CMPK1: variants seen among roughly 807,000 people sequenced by gnomAD.
The protein encoded by CMPK1 is cytidine/uridine monophosphate kinase 1.
Under a neutral mutation model 25.7 loss-of-function variants are expected in CMPK1, and 10 were observed. The ratio of observed to expected loss-of-function variants is 0.39; its 90% CI spans 0.24 to 0.66. CMPK1 has a LOEUF of 0.66. CMPK1 is among the 30% of genes least tolerant of loss of function. The probability of loss-of-function intolerance (pLI) is 0.48; values close to 1 mark genes in which losing one functional copy is unlikely to be tolerated. For missense variants in CMPK1, 199 were observed against 280.5 expected, an observed-to-expected ratio of 0.71 and a Z score of 2.08; for synonymous variants, 106 against 101.5, an observed-to-expected ratio of 1.04 and a Z score of -0.27.
rs113748865 is a variant in CMPK1 at position 47,359,077 on chromosome 1, G to T, written c.172-9392G>T. On this transcript the variant is annotated intron_variant, in intron 1 of 5. Coordinates refer to ENST00000371873, the MANE Select transcript of CMPK1 (RefSeq NM_016308.3). ...CTCACACCTGTAATCCGTGCACTTT[G>T]GGAGGCCGAGGTGGGCGGATCACGA... is the stretch of plus-strand genomic sequence containing the variant. Among the ~76,000 whole-genome samples the T allele has an allele frequency of 7.1e-3, 1,088 of 152,226 alleles. 5 individuals are homozygous for T. Among genetic ancestry groups the T allele is most frequent in the Middle Eastern group, 0.01 (3 of 294 alleles).
At chr1:47,345,756 CT>C (rs1002903094) in intron 1 of CMPK1, among the ~76,000 whole-genome samples, 39 of 140,348 alleles carry the variant, frequency 2.8e-4, no homozygotes, top group African/African-American at 5.3e-4. Flanking sequence ...TGCACCTGGC[CT>C]TTTTTTTTTT....
In CMPK1 at chr1:47,355,753, T is replaced by G. The variant is rs372695841; in HGVS notation, c.172-12716T>G. Among the ~76,000 whole-genome samples, 78 of 152,044 alleles carry G rather than the reference T, an allele frequency of 5.1e-4. 3 individuals are homozygous for G. In the South Asian group the frequency reaches 0.016, roughly 31 times the overall value. On this transcript the variant is annotated intron_variant, in intron 1 of 5. Coordinates refer to ENST00000371873, the MANE Select transcript of CMPK1 (RefSeq NM_016308.3). ...CCGCAAGTAGCTGGGACTACAGGCATGTACCACCACACCTGGCTAATTTTT... is the reference window on the plus strand; with the variant it reads ...CCGCAAGTAGCTGGGACTACAGGCAGGTACCACCACACCTGGCTAATTTTT...
intron 1 of CMPK1, among the ~76,000 whole-genome samples, chr1:47,361,045 C>CGT (rs1553189383): frequency 1.3e-5 from 2 of 151,972 alleles, no homozygotes; most frequent in Admixed American, 1.3e-4. Context: ...AATGGGTAAA[C>CGT]ATATGTAACA....
intron 1 of CMPK1, among the ~76,000 whole-genome samples, chr1:47,364,966 G>T (rs1241013004): frequency 4.6e-5 from 7 of 151,964 alleles, no homozygotes; most frequent in Non-Finnish European, 1.0e-4. Context: ...TCACTGTGTT[G>T]CGCATGCTGG....
At chr1:47,362,169 C>CT (rs10639560) in intron 1 of CMPK1, among the ~76,000 whole-genome samples, 85,542 of 121,220 alleles carry the variant, frequency 0.71, 32,878 homozygotes, top group Middle Eastern at 0.86. Flanking sequence ...AGCACCCGGC[C>CT]TTTTTTTTTT....
At position 47,369,909 on chromosome 1, in the gene CMPK1, C is replaced by CTT. The variant is rs60145419; in HGVS notation, c.318+1310_318+1311dup. On this transcript the variant is annotated intron_variant, in intron 2 of 5. Transcript: ENST00000371873. ...ACCTCTTTCTTTCTTCTTTCTCTCT[C>CTT]TTTTTTTTTTTTTTTTTGGCGGGGA... Among the ~76,000 whole-genome samples the CTT allele has an allele frequency of 8.8e-4, 82 of 93,686 alleles. 1 individual carries two copies. Among genetic ancestry groups the CTT allele is most frequent in the South Asian group, 5.7e-3 (14 of 2,438 alleles). The allele number at this position is 93,686 out of a possible 152,430, so 61.5% of individuals were successfully genotyped here.
At chr1:47,346,618 C>G (rs1355625239) in intron 1 of CMPK1, among the ~76,000 whole-genome samples, 1 of 151,904 alleles carries the variant, frequency 6.6e-6, no homozygotes, top group African/African-American at 2.4e-5. Flanking sequence ...ATTGTCCTGC[C>G]TCATCCTCCC....
intron 1 of CMPK1, among the ~76,000 whole-genome samples, chr1:47,334,463 G>T (rs963136947): frequency 6.6e-6 from 1 of 152,228 alleles, no homozygotes; most frequent in Non-Finnish European, 1.5e-5. Flanking sequence ...TTAGCGTGTC[G>T]CTGATCGTGT....
intron 2 of CMPK1, among the ~76,000 whole-genome samples, chr1:47,369,062 GT>G (rs1319240503): frequency 1.3e-5 from 2 of 152,218 alleles, no homozygotes; most frequent in African/African-American, 4.8e-5. Context: ...GGTGTGCAGT[GT>G]CCTGATCACA....
intron 1 of CMPK1, among the ~76,000 whole-genome samples, chr1:47,355,808 T>C (rs1231774231): frequency 6.6e-6 from 1 of 152,004 alleles, no homozygotes; most frequent in Non-Finnish European, 1.5e-5. Context: ...GGTTTCACTA[T>C]GTTGGCCAGG....
chr1:47,367,568 A>G (rs1331001406), intron 1 of CMPK1, among the ~76,000 whole-genome samples: 2 of 152,350 alleles, frequency 1.3e-5, no homozygotes, highest in Middle Eastern at 3.4e-3. Flanking sequence ...TATTTATTGT[A>G]TACTTGGATA....
At position 47,334,061 on chromosome 1, in the gene CMPK1, T is replaced by G. The variant is rs1054892352; in HGVS notation, c.116T>G (p.Phe39Cys). ...SPRLMKPLVV[F>C]VLGGPGAGKG... Reference sequence around the variant, plus strand: ...CGTCTCATGAAGCCGCTGGTCGTGTTCGTCCTCGGCGGCCCCGGCGCCGGC... The same window carrying G: ...CGTCTCATGAAGCCGCTGGTCGTGTGCGTCCTCGGCGGCCCCGGCGCCGGC... The change falls in exon 1 of 6, where the codon TTC (phenylalanine) becomes TGC (cysteine). Residue 39 changes from phenylalanine (F) to cysteine (C), a missense_variant. By Grantham distance (205) the Phe-to-Cys change is radical. Transcript: ENST00000371873. The G allele has an allele frequency of 6.5e-7, 1 of 1,546,846 alleles. No individual in the cohort carries two copies. Among genetic ancestry groups the G allele is most frequent in the African/African-American group, 1.4e-5 (1 of 71,766 alleles).
chr1:47,368,730 C>A, intron 2 of CMPK1, 115 bp downstream of exon 2: 1 of 936,906 alleles, frequency 1.1e-6, no homozygotes, highest in Non-Finnish European at 1.5e-6. Context: ...GAAGCCAAAG[C>A]AAGAGGATCA....
intron 2 of CMPK1, among the ~76,000 whole-genome samples, chr1:47,369,881 TAAAC>T (rs1411846985): frequency 1.4e-5 from 2 of 139,348 alleles, no homozygotes; most frequent in Non-Finnish European, 3.1e-5. Flanking sequence ...TTTTTTTAAA[TAAAC>T]CTCTTTCTTT....
intron 1 of CMPK1, among the ~76,000 whole-genome samples, chr1:47,356,882 A>C (rs1646564057): frequency 6.6e-6 from 1 of 151,586 alleles, no homozygotes; most frequent in South Asian, 2.1e-4. Context: ...GCTGGTCTTG[A>C]ACTCTTGGCC....
chr1:47,356,964 C>CT (rs11286214), intron 1 of CMPK1, among the ~76,000 whole-genome samples: 31 of 119,264 alleles, frequency 2.6e-4, no homozygotes, highest in African/African-American at 7.1e-4. Flanking sequence ...CCTGGTCTGC[C>CT]TTTTTTTTTT....
chr1:47,367,311 C>T (rs1646645932), intron 1 of CMPK1, among the ~76,000 whole-genome samples: 1 of 152,196 alleles, frequency 6.6e-6, no homozygotes, highest in African/African-American at 2.4e-5. Flanking sequence ...TTGCTGACTA[C>T]CTTACCGTTA....
At chr1:47,364,564 G>A (rs1007731117) in intron 1 of CMPK1, among the ~76,000 whole-genome samples, 26 of 151,098 alleles carry the variant, frequency 1.7e-4, no homozygotes, top group Admixed American at 4.0e-4. Flanking sequence ...TGATCCACCC[G>A]CCTCAGCCTC....
chr1:47,376,721 GC>G lies in CMPK1; in HGVS notation c.664del (p.Gln222ArgfsTer36). On this transcript the variant is annotated frameshift_variant, in exon 6 of 6. Transcript: ENST00000371873. LOFTEE classifies it high-confidence loss of function. ...CTTTACAGGTTTTTGATGAAGTTGTGCAGATTTTTGACAAGGAAGGCTAATT... is the reference window on the plus strand; with the variant it reads ...CTTTACAGGTTTTTGATGAAGTTGTGAGATTTTTGACAAGGAAGGCTAATT... The part of the protein sequence containing the change: ...SVDEVFDEVV[Q>X]IFDKEG 1.3e-6 allele frequency: 2 copies of G among 1,584,698 alleles called. No individual in the cohort carries two copies. The highest frequency in any genetic ancestry group is 8.7e-7 in the Non-Finnish European group (1 of 1,155,804).
Sources: allele counts gnomAD v4.1 joint callset (sites outside exome capture counted in the v4.1 genomes callset), GRCh38; gene constraint gnomAD v4.1.1; transcripts MANE v1.5; gene names NCBI Gene and HGNC (gene_info 2026-07-23, HGNC 2026-07-21).